UNC5C: variants seen among roughly 807,000 people sequenced by gnomAD.
UNC5C encodes netrin receptor UNC5C.
Under a neutral mutation model 99.8 loss-of-function variants are expected in UNC5C, and 47 were observed. The observed-to-expected ratio is 0.47, with a 90% confidence interval of 0.37 to 0.60. The LOEUF (loss-of-function observed/expected upper bound fraction) is 0.60. Among genes scored for constraint, UNC5C ranks in the 20% least tolerant of loss-of-function variants. UNC5C has a pLI of 0.00. For synonymous variants in UNC5C, 487 were observed against 452.2 expected, an observed-to-expected ratio of 1.08 and a Z score of -0.98; for missense variants, 1,062 against 1,165.9, an observed-to-expected ratio of 0.91 and a Z score of 1.30.
intron 1 of UNC5C, among the ~76,000 whole-genome samples, chr4:95,402,343 G>A (rs1250883427): frequency 2.6e-5 from 4 of 152,156 alleles, no homozygotes; most frequent in African/African-American, 4.8e-5. Context: ...TAGAAGCACT[G>A]GACAGACAAG....
chr4:95,215,292 A>G (rs1738208775), intron 10 of UNC5C, among the ~76,000 whole-genome samples: 1 of 152,250 alleles, frequency 6.6e-6, no homozygotes, highest in African/African-American at 2.4e-5. Flanking sequence ...TGGGAAAAAC[A>G]ATGATAATTA....
At chr4:95,352,869 C>G (rs1342031644) in intron 1 of UNC5C, among the ~76,000 whole-genome samples, 1 of 152,116 alleles carries the variant, frequency 6.6e-6, no homozygotes, top group Non-Finnish European at 1.5e-5. Flanking sequence ...ATTTTCTTCT[C>G]TCAACTCCAT....
chr4:95,386,001 G>A (rs1182871969), intron 1 of UNC5C, among the ~76,000 whole-genome samples: 2 of 151,974 alleles, frequency 1.3e-5, no homozygotes, highest in African/African-American at 2.4e-5. Flanking sequence ...CCTGGCATTC[G>A]CTCTCCTCAA....
chr4:95,524,219 C>G (rs1415572734), intron 1 of UNC5C, among the ~76,000 whole-genome samples: 1 of 152,166 alleles, frequency 6.6e-6, no homozygotes, highest in Non-Finnish European at 1.5e-5. Context: ...TCAGACAGAT[C>G]TATGTTTCAA....
intron 2 of UNC5C, among the ~76,000 whole-genome samples, chr4:95,324,257 A>G (rs1039986533): frequency 2.0e-5 from 3 of 152,064 alleles, no homozygotes; most frequent in South Asian, 2.1e-4. Flanking sequence ...AGCACAAACC[A>G]TATTGTGAAC....
intron 1 of UNC5C, among the ~76,000 whole-genome samples, chr4:95,389,299 A>C (rs948755188): frequency 6.6e-6 from 1 of 152,218 alleles, no homozygotes; most frequent in African/African-American, 2.4e-5. Context: ...CTTATAATGG[A>C]TGTTTTACTA....
At chr4:95,261,467 G>C (rs1365601490) in intron 4 of UNC5C, among the ~76,000 whole-genome samples, 1 of 152,076 alleles carries the variant, frequency 6.6e-6, no homozygotes, top group Non-Finnish European at 1.5e-5. Flanking sequence ...TCCACTATTA[G>C]AAGGATCTCT....
chr4:95,548,473 G>T (rs1723135132), intron 1 of UNC5C, among the ~76,000 whole-genome samples: 1 of 152,008 alleles, frequency 6.6e-6, no homozygotes, highest in Non-Finnish European at 1.5e-5. Flanking sequence ...GTATGGAGAC[G>T]GATCGGCTGC....
chr4:95,502,155 G>A (rs979318719), intron 1 of UNC5C, among the ~76,000 whole-genome samples: 7 of 152,142 alleles, frequency 4.6e-5, no homozygotes, highest in South Asian at 4.1e-4. Flanking sequence ...TTTTAATGAC[G>A]AACATGTTAC....
chr4:95,544,711 T>A (rs1446441509), intron 1 of UNC5C, among the ~76,000 whole-genome samples: 1 of 152,230 alleles, frequency 6.6e-6, no homozygotes, highest in Non-Finnish European at 1.5e-5. Context: ...TTGTTTCTAA[T>A]TTGTGAGGAA....
chr4:95,258,105 T>A (rs1740074591), intron 4 of UNC5C, among the ~76,000 whole-genome samples: 1 of 152,214 alleles, frequency 6.6e-6, no homozygotes, highest in African/African-American at 2.4e-5. Flanking sequence ...TGTGAAACAA[T>A]TCCACAATGA....
At chr4:95,187,749 A>G (rs1412872376) in intron 12 of UNC5C, among the ~76,000 whole-genome samples, 8 of 152,148 alleles carry the variant, frequency 5.3e-5, no homozygotes, top group Non-Finnish European at 1.0e-4. Flanking sequence ...GTGCCATTTT[A>G]AAGACAGTGG....
chr4:95,349,401 C>A (rs951373883), intron 1 of UNC5C, among the ~76,000 whole-genome samples: 13 of 141,754 alleles, frequency 9.2e-5, no homozygotes, highest in Admixed American at 4.1e-4. Flanking sequence ...CACACACACA[C>A]ACATTACAAG....
intron 1 of UNC5C, among the ~76,000 whole-genome samples, chr4:95,424,522 T>TC (rs1376450122): frequency 1.3e-4 from 15 of 119,556 alleles, no homozygotes; most frequent in Middle Eastern, 4.1e-3. Context: ...TCTTTTCTTT[T>TC]TTTTTTTTTT....
chr4:95,399,957 G>C (rs973980850), intron 1 of UNC5C, among the ~76,000 whole-genome samples: 21 of 152,094 alleles, frequency 1.4e-4, no homozygotes, highest in African/African-American at 5.1e-4. Flanking sequence ...ACCCCTAATT[G>C]AGCACAATGC....
In UNC5C at chr4:95,182,971, G is replaced by A. The variant is rs1190124765; in HGVS notation, c.2377C>T (p.Leu793=). The A allele has an allele frequency of 1.2e-6, 2 of 1,613,752 alleles. No homozygotes were observed. Among genetic ancestry groups the A allele is most frequent in the Non-Finnish European group, 1.7e-6 (2 of 1,179,844 alleles). Reference sequence around the variant, plus strand: ...TGCCGCACACAGAGTTTGCAAACCAGCTCCACTGTGTTCAGGCTAAATCTT... The same window carrying A: ...TGCCGCACACAGAGTTTGCAAACCAACTCCACTGTGTTCAGGCTAAATCTT... ...LERFSLNTVE[L]VCKLCVRQVE... The change falls in exon 14 of 16, where the codon CTG becomes TTG. Residue 793 remains leucine (L), a synonymous_variant. Coordinates refer to ENST00000453304, the MANE Select transcript of UNC5C (RefSeq NM_003728.4).
intron 14 of UNC5C, among the ~76,000 whole-genome samples, chr4:95,176,576 A>C (rs2149346834): frequency 6.6e-6 from 1 of 152,132 alleles, no homozygotes; most frequent in East Asian, 1.9e-4. Context: ...TCAGGGACCC[A>C]CTTGAGGAGG....
intron 4 of UNC5C, among the ~76,000 whole-genome samples, chr4:95,267,949 ATTTT>A (rs869293955): frequency 3.4e-5 from 4 of 117,568 alleles, no homozygotes; most frequent in Non-Finnish European, 6.7e-5. Context: ...GAATTTTGTG[ATTTT>A]TTTTTTTTTT....
intron 1 of UNC5C, among the ~76,000 whole-genome samples, chr4:95,367,221 G>C (rs1441709520): frequency 6.8e-6 from 1 of 146,934 alleles, no homozygotes; most frequent in African/African-American, 2.6e-5. Flanking sequence ...AAATCCAGGA[G>C]TGCAGTGGCA....
Sources: gnomAD v4.1 joint callset for allele counts (sites outside exome capture counted in the v4.1 genomes callset) on GRCh38, gnomAD v4.1.1 for gene constraint, MANE v1.5 for transcripts, NCBI Gene and HGNC (gene_info 2026-07-23, HGNC 2026-07-21) for gene names.